The following PDE1C variants were observed in gnomAD, a reference collection of about 807,000 sequenced individuals.
The protein encoded by PDE1C is dual specificity calcium/calmodulin-dependent 3',5'-cyclic nucleotide phosphodiesterase 1C.
Under a neutral mutation model 93.1 loss-of-function variants are expected in PDE1C, and 62 were observed. The observed-to-expected ratio is 0.67, with a 90% CI of 0.54 to 0.82. The LOEUF (loss-of-function observed/expected upper bound fraction) is 0.82, where lower values mean the gene tolerates loss of function less well. Among genes scored for constraint, PDE1C ranks in the 40% least tolerant of loss-of-function variants. The probability of loss-of-function intolerance (pLI) is 0.00; values close to 1 mark genes in which losing one functional copy is unlikely to be tolerated. For missense variants in PDE1C, 742 were observed against 884.6 expected (o/e 0.84, Z 2.04); for synonymous variants, 325 against 310.1 (o/e 1.05, Z -0.50).
the PDE1C span, among the ~76,000 whole-genome samples, chr7:31,633,155 G>A: frequency 6.6e-6 from 1 of 151,884 alleles, no homozygotes; most frequent in African/African-American, 2.4e-5. Context: ...AAAGTGCTGG[G>A]ATTACAGGCG....
At chr7:31,735,832 G>A in the PDE1C span, among the ~76,000 whole-genome samples, 24 of 152,194 alleles carry the variant, frequency 1.6e-4, no homozygotes, top group African/African-American at 4.8e-4. Context: ...TCATCCCTCC[G>A]TATCTGTGGG....
intron 16 of PDE1C, among the ~76,000 whole-genome samples, chr7:31,791,422 G>C (rs2128661786): frequency 6.6e-6 from 1 of 152,226 alleles, no homozygotes; most frequent in East Asian, 1.9e-4. Context: ...TGAAACAAAA[G>C]CTGAAATCAA....
intron 7 of PDE1C, among the ~76,000 whole-genome samples, chr7:31,860,555 C>CCTGCT (rs1386851753): frequency 3.3e-5 from 5 of 151,948 alleles, no homozygotes; most frequent in African/African-American, 1.2e-4. Context: ...CTGTTAATTG[C>CCTGCT]CTGCTCATAC....
chr7:32,128,738 A>G (rs1482526407), intron 3 of PDE1C, among the ~76,000 whole-genome samples: 1 of 151,258 alleles, frequency 6.6e-6, no homozygotes, highest in Non-Finnish European at 1.5e-5. Context: ...CCTAACATCA[A>G]TGTACTACTA....
At chr7:32,081,249 T>C (rs1378725015) in intron 3 of PDE1C, among the ~76,000 whole-genome samples, 15 of 152,014 alleles carry the variant, frequency 9.9e-5, no homozygotes, top group Non-Finnish European at 2.1e-4. Flanking sequence ...GAGTGCTGAG[T>C]CCTTGAAAAC....
chr7:32,246,857 G>A (rs1215536270), intron 1 of PDE1C, among the ~76,000 whole-genome samples: 3 of 152,204 alleles, frequency 2.0e-5, no homozygotes, highest in African/African-American at 7.2e-5. Context: ...CATGTAAGAT[G>A]ACAATAAATG....
intron 2 of PDE1C, among the ~76,000 whole-genome samples, chr7:31,893,687 A>G (rs1798918934): frequency 6.6e-6 from 1 of 152,298 alleles, no homozygotes; most frequent in South Asian, 2.1e-4. Flanking sequence ...CTCCTCTGTT[A>G]GCTATTTCTA....
At chr7:32,166,827 C>T (rs1397245012) in intron 3 of PDE1C, among the ~76,000 whole-genome samples, 2 of 152,122 alleles carry the variant, frequency 1.3e-5, no homozygotes, top group Non-Finnish European at 2.9e-5. Flanking sequence ...GAATCACAAG[C>T]ATGCTTTTTA....
chr7:32,107,837 G>A (rs1376112547), intron 3 of PDE1C, among the ~76,000 whole-genome samples: 4 of 152,040 alleles, frequency 2.6e-5, no homozygotes, highest in Non-Finnish European at 5.9e-5. Context: ...TTATGAAAAA[G>A]TGAAATCAGT....
chr7:31,773,697 G>A (rs1269306510), intron 17 of PDE1C, among the ~76,000 whole-genome samples: 1 of 152,100 alleles, frequency 6.6e-6, no homozygotes, highest in Non-Finnish European at 1.5e-5. Flanking sequence ...TCCCTTCTGT[G>A]TAGTCGTAAA....
At chr7:31,828,889 T>C (rs1790033797) in intron 11 of PDE1C, among the ~76,000 whole-genome samples, 1 of 152,174 alleles carries the variant, frequency 6.6e-6, no homozygotes, top group Non-Finnish European at 1.5e-5. Flanking sequence ...GACCAGTCCA[T>C]AATGAAAAGT....
At chr7:32,027,645 A>AAAAAAAAAAAG (rs70989633) in intron 2 of PDE1C, among the ~76,000 whole-genome samples, 2 of 69,364 alleles carry the variant, frequency 2.9e-5, no homozygotes, top group East Asian at 4.5e-4. Flanking sequence ...AAAAAAAAAA[A>AAAAAAAAAAAG]GACTAATGGG....
At chr7:32,135,411 C>T (rs185708847) in intron 3 of PDE1C, among the ~76,000 whole-genome samples, 1 of 151,884 alleles carries the variant, frequency 6.6e-6, no homozygotes, top group African/African-American at 2.4e-5. Flanking sequence ...AGAACTCATA[C>T]AACTCAATAG....
At chr7:31,971,201 A>G (rs1437386624) in intron 2 of PDE1C, among the ~76,000 whole-genome samples, 1 of 152,196 alleles carries the variant, frequency 6.6e-6, no homozygotes, top group Non-Finnish European at 1.5e-5. Context: ...GAGGAAATGT[A>G]TCACTGTTGA....
chr7:32,020,774 G>A (rs1054638217), intron 2 of PDE1C, among the ~76,000 whole-genome samples: 1 of 152,054 alleles, frequency 6.6e-6, no homozygotes, highest in Non-Finnish European at 1.5e-5. Flanking sequence ...TTTTACTCTG[G>A]GGAGCAAATC....
chr7:31,956,484 G>A (rs73686851), intron 2 of PDE1C, among the ~76,000 whole-genome samples: 10 of 150,658 alleles, frequency 6.6e-5, no homozygotes, highest in East Asian at 5.9e-4. Context: ...ATTATTGTTC[G>A]TTTTGTTTTT....
intron 1 of PDE1C, among the ~76,000 whole-genome samples, chr7:32,263,515 C>A (rs897536989): frequency 6.6e-6 from 1 of 152,132 alleles, no homozygotes; most frequent in African/African-American, 2.4e-5. Context: ...TAGCATACTA[C>A]AATTATCAAC....
rs954930277 is a variant in PDE1C at position 32,399,047 on chromosome 7, G to A, written c.310+28775C>T. On this transcript the variant is annotated intron_variant, in intron 1 of 1. Transcript: ENST00000672256. Reference sequence around the variant, plus strand: ...GGCCCTGATTTGTGGTGTTTTCCACGGTATTCAGTATATGGTGTGAATACA... The same window carrying A: ...GGCCCTGATTTGTGGTGTTTTCCACAGTATTCAGTATATGGTGTGAATACA... Among the ~76,000 whole-genome samples the A allele has an allele frequency of 7.2e-5, 11 of 152,060 alleles. No individual in the cohort carries two copies. In the East Asian group the frequency reaches 9.6e-4, roughly 13 times the overall value.
the PDE1C span, among the ~76,000 whole-genome samples, chr7:31,680,114 A>G: frequency 1.3e-5 from 2 of 152,156 alleles, no homozygotes; most frequent in African/African-American, 4.8e-5. Flanking sequence ...TACTTAATTG[A>G]GCATCAGAGA....
Sources: allele counts gnomAD v4.1 joint callset (sites outside exome capture counted in the v4.1 genomes callset), GRCh38; gene constraint gnomAD v4.1.1; transcripts MANE v1.5; gene names NCBI Gene and HGNC (gene_info 2026-07-23, HGNC 2026-07-21).